Variants in EWSR1 observed in about 807,000 individuals in gnomAD.
EWSR1 encodes the protein RNA-binding protein EWS.
EWSR1 carries 14 observed loss-of-function variants against 92.1 expected under a neutral mutation model. The ratio of observed to expected loss-of-function variants is 0.15; its 90% confidence interval spans 0.10 to 0.24. EWSR1 has a LOEUF of 0.24. Ranked by LOEUF, EWSR1 falls within the 10% of genes least tolerant of loss-of-function variation. EWSR1 has a pLI of 1.00. For synonymous variants in EWSR1, 303 were observed against 292.9 expected, an observed-to-expected ratio of 1.03 and a Z score of -0.35; for missense variants, 637 against 870.9, an observed-to-expected ratio of 0.73 and a Z score of 3.38.
At chr22:29,279,607 T>C (rs2059404845) in intron 5 of EWSR1, among the ~76,000 whole-genome samples, 1 of 152,238 alleles carries the variant, frequency 6.6e-6, no homozygotes, top group Non-Finnish European at 1.5e-5. Context: ...TGAAAGGACA[T>C]TGAATTCTGG....
intron 5 of EWSR1, among the ~76,000 whole-genome samples, chr22:29,281,065 G>A (rs1373921745): frequency 6.6e-6 from 1 of 151,590 alleles, no homozygotes; most frequent in Non-Finnish European, 1.5e-5. Flanking sequence ...ATTTTTAGTA[G>A]AGACAGGGTT....
intron 4 of EWSR1, chr22:29,274,307 C>T: frequency 1.2e-6 from 2 of 1,613,006 alleles, no homozygotes; most frequent in African/African-American, 2.7e-5. Flanking sequence ...CTCATTCTTG[C>T]ATGGGAAATG....
At chr22:29,288,556 C>A in intron 7 of EWSR1, 50 bp from the exon 8 acceptor site, 1 of 1,511,068 alleles carries the variant, frequency 6.6e-7, no homozygotes, top group Non-Finnish European at 8.9e-7. Flanking sequence ...GTACATCAGG[C>A]AGTGGTGTAA....
At chr22:29,282,709 G>A (rs2059700989) in intron 6 of EWSR1, 152 bp downstream of exon 6, 7 of 525,528 alleles carry the variant, frequency 1.3e-5, no homozygotes. Context: ...ATTAAAGCCT[G>A]AGATCTAGGG....
At chr22:29,288,186 TCAA>T (rs2060192516) in intron 7 of EWSR1, among the ~76,000 whole-genome samples, 2 of 152,256 alleles carry the variant, frequency 1.3e-5, no homozygotes, top group South Asian at 4.1e-4. Context: ...CGGGGATTTC[TCAA>T]CAACTCAAAG....
At chr22:29,296,037 T>C (rs9608746) in intron 11 of EWSR1, 3 of 532,906 alleles carry the variant, frequency 5.6e-6, no homozygotes, top group Non-Finnish European at 1.0e-5. Flanking sequence ...TTCCACACTT[T>C]GGTCTACTTT....
chr22:29,292,091 A>G (rs1263474851), intron 9 of EWSR1, 46 bp from the exon 10 acceptor site: 1 of 1,574,672 alleles, frequency 6.4e-7, no homozygotes, highest in Non-Finnish European at 8.7e-7. Context: ...TGTAGCTTGC[A>G]AGACGTGCAC....
At chr22:29,290,347 G>T (rs2147483777) in intron 8 of EWSR1, 1 of 1,505,378 alleles carries the variant, frequency 6.6e-7, no homozygotes, top group South Asian at 1.2e-5. Flanking sequence ...TCAGTATTTT[G>T]ATATTTTCAT....
intron 6 of EWSR1, among the ~76,000 whole-genome samples, chr22:29,286,600 T>C (rs1205221422): frequency 2.2e-5 from 3 of 138,172 alleles, no homozygotes; most frequent in African/African-American, 8.2e-5. Context: ...GGCAGGAGAA[T>C]GGCATGAACC....
intron 11 of EWSR1, 24 bp downstream of exon 11, chr22:29,292,630 A>G (rs2060519302): frequency 7.5e-6 from 11 of 1,465,510 alleles, no homozygotes; most frequent in Non-Finnish European, 1.1e-5. Context: ...TAACCAGGTC[A>G]TCTGGCAGAA....
chr22:29,275,660 A>G, intron 4 of EWSR1: 1 of 229,518 alleles, frequency 4.4e-6, no homozygotes, highest in Non-Finnish European at 8.6e-6. Context: ...TCCTTACCTC[A>G]TACTGCCTTT....
chr22:29,289,245 G>A (rs1190969500), intron 8 of EWSR1: 3 of 233,376 alleles, frequency 1.3e-5, no homozygotes, highest in East Asian at 6.1e-5. Context: ...ACTCAGAATC[G>A]TTGAACATAT....
chr22:29,298,507 C>CAAA (rs35896020), intron 13 of EWSR1, among the ~76,000 whole-genome samples: 4 of 107,224 alleles, frequency 3.7e-5, no homozygotes, highest in East Asian at 2.6e-4. Flanking sequence ...ACTCCGTCTC[C>CAAA]AAAAAAAAAA....
intron 6 of EWSR1, among the ~76,000 whole-genome samples, chr22:29,284,856 G>C (rs1214244318): frequency 1.3e-5 from 2 of 151,236 alleles, no homozygotes; most frequent in Non-Finnish European, 2.9e-5. Context: ...TTTCACTCCT[G>C]TTACCTAGGC....
intron 5 of EWSR1, among the ~76,000 whole-genome samples, chr22:29,281,718 C>G (rs930757626): frequency 9.9e-5 from 15 of 152,046 alleles, no homozygotes; most frequent in Non-Finnish European, 2.1e-4. Flanking sequence ...GTAGCTGGGA[C>G]TACAGGCGCC....
chr22:29,284,639 A>G (rs918646115), intron 6 of EWSR1, among the ~76,000 whole-genome samples: 1 of 150,904 alleles, frequency 6.6e-6, no homozygotes, highest in Non-Finnish European at 1.5e-5. Flanking sequence ...TTGTTTGTTT[A>G]TTTTTGGAGA....
At chr22:29,288,166 A>G (rs1021925806) in intron 7 of EWSR1, among the ~76,000 whole-genome samples, 2 of 152,212 alleles carry the variant, frequency 1.3e-5, no homozygotes, top group African/African-American at 4.8e-5. Flanking sequence ...TTTAAATTAC[A>G]TTCTATCCAC....
At chr22:29,280,631 T>G (rs2059488544) in intron 5 of EWSR1, among the ~76,000 whole-genome samples, 1 of 151,842 alleles carries the variant, frequency 6.6e-6, no homozygotes, top group Non-Finnish European at 1.5e-5. Context: ...GGCAGCCCAG[T>G]TTAGGAAATG....
rs769261609 is a variant in EWSR1 at position 29,300,125 on chromosome 22, C to T, written c.1935C>T (p.Gly645=). 1.7e-5 allele frequency: 28 copies of T among 1,604,170 alleles called. No individual in the cohort carries two copies. The highest frequency in any genetic ancestry group is 2.2e-5 in the Non-Finnish European group (26 of 1,178,148). The stretch of plus-strand genomic sequence containing the variant: ...AAGGGCCCTCTTTACCTTGCAGAGG[C>T]GAGCACCGTCAGGAGCGCAGAGATC... ...GRGGPGKMDK[G]EHRQERRDRP... is the part of the protein sequence containing the mutation. Residue 645 remains glycine (G), a synonymous_variant, in exon 17 of 17, where the codon GGC becomes GGT. Coordinates refer to ENST00000397938, the MANE Select transcript of EWSR1 (RefSeq NM_005243.4).
Sources: allele counts gnomAD v4.1 joint callset (sites outside exome capture counted in the v4.1 genomes callset), GRCh38; gene constraint gnomAD v4.1.1; transcripts MANE v1.5; gene names NCBI Gene and HGNC (gene_info 2026-07-23, HGNC 2026-07-21).